RIN2: variants seen among roughly 807,000 people sequenced by gnomAD.
RIN2 encodes Ras and Rab interactor 2.
In RIN2, 36 loss-of-function variants were observed where a neutral mutation model predicts 78.0. The ratio of observed to expected loss-of-function variants is 0.46; its 90% CI spans 0.35 to 0.61. The LOEUF (loss-of-function observed/expected upper bound fraction) is 0.61. Among genes scored for constraint, RIN2 ranks in the 20% least tolerant of loss-of-function variants. RIN2 has a pLI of 0.00. For missense variants in RIN2, 1,087 were observed against 1,159.7 expected (o/e 0.94, Z 0.91); for synonymous variants, 466 against 466.8 (o/e 1.00, Z 0.02).
At chr20:19,824,143 C>T (rs1022471041) in intron 2 of RIN2, among the ~76,000 whole-genome samples, 4 of 152,164 alleles carry the variant, frequency 2.6e-5, no homozygotes, top group African/African-American at 9.7e-5. Context: ...ATTTCAGGAG[C>T]TTCATCTAGG....
At chr20:19,885,657 C>A (rs1238226642) in intron 2 of RIN2, among the ~76,000 whole-genome samples, 1 of 151,408 alleles carries the variant, frequency 6.6e-6, no homozygotes, top group African/African-American at 2.4e-5. Context: ...CAAAGTAAGA[C>A]CCTGTCTCGA....
At chr20:19,793,806 G>A (rs886966938) in intron 1 of RIN2, among the ~76,000 whole-genome samples, 1 of 152,226 alleles carries the variant, frequency 6.6e-6, no homozygotes, top group African/African-American at 2.4e-5. Flanking sequence ...TGTGGGGAAA[G>A]ACTGGAGAAG....
In RIN2 at chr20:19,975,023, G is replaced by A. The variant is rs769980298; in HGVS notation, c.998G>A (p.Ser333Asn). Residue 333 changes from serine (S) to asparagine (N), a missense_variant, in exon 9 of 13, where the codon AGC (serine) becomes AAC (asparagine). Physicochemically the swap from Ser to Asn is conservative, Grantham distance 46 (BLOSUM62 1). Coordinates refer to ENST00000255006, the MANE Select transcript of RIN2 (RefSeq NM_018993.4). This position sits in a 1 kb window ranked among gnomAD's most constrained non-coding sequence, Gnocchi z 4.9. ...CTGGCCAGGACTGAAACCCAGACGAGCATGCCAGAAACAGTCAACCATAAC... is the reference window on the plus strand; with the variant it reads ...CTGGCCAGGACTGAAACCCAGACGAACATGCCAGAAACAGTCAACCATAAC... ...PRLARTETQT[S>N]MPETVNHNKH... is the part of the protein sequence containing the mutation. 10 of 1,612,950 alleles carry A rather than the reference G, an allele frequency of 6.2e-6. No individual in the cohort carries two copies. In the Admixed American group the frequency reaches 8.3e-5, roughly 13 times the overall value.
intron 3 of RIN2, among the ~76,000 whole-genome samples, chr20:19,903,750 A>C (rs995988102): frequency 1.3e-5 from 2 of 152,232 alleles, no homozygotes; most frequent in Non-Finnish European, 2.9e-5. Flanking sequence ...GTAAATTAGG[A>C]AATAAAATTT....
chr20:19,983,418 G>A (rs900467854), intron 9 of RIN2, among the ~76,000 whole-genome samples: 11 of 152,094 alleles, frequency 7.2e-5, no homozygotes, highest in African/African-American at 1.9e-4. Context: ...TCCCAGCGTC[G>A]TAGGGCTGAA....
rs548290494 is a variant in RIN2 at position 19,853,187 on chromosome 20, C to T, written c.-36-36379C>T. Among the ~76,000 whole-genome samples the T allele has an allele frequency of 2.1e-3, 322 of 152,090 alleles. 1 individual carries two copies. Among genetic ancestry groups the T allele is most frequent in the Middle Eastern group, 3.4e-3 (1 of 294 alleles). The stretch of plus-strand genomic sequence containing the variant: ...TGAGAATGACGGTTTCCAGCTTCAT[C>T]CATGTCCCTACAAAGGACATGAACT... On this transcript the variant is annotated intron_variant, in intron 2 of 12. Coordinates refer to ENST00000255006, the MANE Select transcript of RIN2 (RefSeq NM_018993.4).
At chr20:19,968,657 G>A (rs576347785) in intron 7 of RIN2, among the ~76,000 whole-genome samples, 9 of 152,176 alleles carry the variant, frequency 5.9e-5, no homozygotes, top group Non-Finnish European at 8.8e-5. Context: ...GTCATGTGAC[G>A]TTTAAGCTCC....
intron 2 of RIN2, chr20:19,889,332 C>T: frequency 8.1e-7 from 1 of 1,240,108 alleles, no homozygotes; most frequent in Non-Finnish European, 1.0e-6. Context: ...CAAGGACCTT[C>T]TACGTCAGTG....
intron 1 of RIN2, among the ~76,000 whole-genome samples, chr20:19,796,231 A>C (rs1183346648): frequency 3.3e-5 from 5 of 152,218 alleles, no homozygotes; most frequent in Non-Finnish European, 7.3e-5. Context: ...GATTTTCAAA[A>C]TGGGCCTCTA....
chr20:19,841,698 A>G (rs967767078), intron 2 of RIN2, among the ~76,000 whole-genome samples: 1 of 152,220 alleles, frequency 6.6e-6, no homozygotes, highest in Non-Finnish European at 1.5e-5. Context: ...GCTGGCTTGC[A>G]GGCAGAACTG....
intron 2 of RIN2, among the ~76,000 whole-genome samples, chr20:19,810,315 T>G (rs2122790982): frequency 6.7e-6 from 1 of 150,366 alleles, no homozygotes; most frequent in Non-Finnish European, 1.5e-5. Context: ...GGCTGAGGCA[T>G]GAGAATCACT....
intron 2 of RIN2, among the ~76,000 whole-genome samples, chr20:19,816,370 C>T (rs2035766455): frequency 6.6e-6 from 1 of 151,930 alleles, no homozygotes; most frequent in Non-Finnish European, 1.5e-5. Flanking sequence ...CCTGAAGGGG[C>T]TTTGGCGGCT....
At chr20:19,852,897 A>G (rs891890184) in intron 2 of RIN2, among the ~76,000 whole-genome samples, 6 of 151,168 alleles carry the variant, frequency 4.0e-5, no homozygotes, top group Non-Finnish European at 7.4e-5. Flanking sequence ...TTTTTTAATT[A>G]TTATACTTTA....
Position 19,812,258 on chromosome 20 carries a change from T to G in RIN2, c.-37+12511T>G, listed in dbSNP as rs1011524896. On this transcript the variant is annotated intron_variant, in intron 2 of 12. Coordinates refer to ENST00000255006, the MANE Select transcript of RIN2 (RefSeq NM_018993.4). ...TGAGTGGAATTTCTGGGTGATGTGT[T>G]AAGTTTATGTTTATTTCTTTAAGAA... Among the ~76,000 whole-genome samples, 3 of 152,224 alleles carry G rather than the reference T, an allele frequency of 2.0e-5. No homozygotes were observed. The East Asian group carries it at 5.8e-4, about 29-fold the overall frequency.
intron 1 of RIN2, among the ~76,000 whole-genome samples, chr20:19,763,209 A>C (rs1600389763): frequency 6.6e-6 from 1 of 151,702 alleles, no homozygotes; most frequent in Non-Finnish European, 1.5e-5. Context: ...ACATGGTGAA[A>C]CCCTGTCTCT....
intron 1 of RIN2, among the ~76,000 whole-genome samples, chr20:19,764,844 T>G (rs1031763175): frequency 1.3e-5 from 2 of 150,472 alleles, no homozygotes; most frequent in Non-Finnish European, 3.0e-5. Context: ...ATTTGGTGAA[T>G]AAACCTGCCT....
At chr20:19,859,397 C>T (rs1450417338) in intron 2 of RIN2, among the ~76,000 whole-genome samples, 6 of 152,198 alleles carry the variant, frequency 3.9e-5, no homozygotes, top group East Asian at 1.9e-4. Context: ...TGCTTCCATC[C>T]GAAGATTGAC....
chr20:19,975,916 G>A lies in RIN2; in HGVS notation c.1762+129G>A. ...AACACCCAGCTCCACCTTCTCTCCC[G>A]GTTTGAATGGAAAAATCAGTTTCTC... On this transcript the variant is annotated intron_variant, in intron 9 of 12. Coordinates refer to ENST00000255006, the MANE Select transcript of RIN2 (RefSeq NM_018993.4). This position sits in a 1 kb window ranked among gnomAD's most constrained non-coding sequence, Gnocchi z 4.9. 3 of 890,788 alleles carry A rather than the reference G, an allele frequency of 3.4e-6. No homozygotes were observed. The highest frequency in any genetic ancestry group is 1.5e-5 in the South Asian group (1 of 64,646). The allele number at this position is 890,788 out of a possible 1,614,324, so 55.2% of individuals were successfully genotyped here. A position where few individuals can be genotyped will look rare whatever the true frequency, so the allele number is the denominator to read the frequency against.
chr20:19,813,349 T>G (rs1456793620), intron 2 of RIN2, among the ~76,000 whole-genome samples: 1 of 152,276 alleles, frequency 6.6e-6, no homozygotes, highest in Non-Finnish European at 1.5e-5. Flanking sequence ...TCAGTTGGCT[T>G]GTACTTCATG....
Sources: allele counts gnomAD v4.1 joint callset (sites outside exome capture counted in the v4.1 genomes callset), GRCh38; gene constraint gnomAD v4.1.1; non-coding constraint Gnocchi (gnomAD v3.1); transcripts MANE v1.5; gene names NCBI Gene and HGNC (gene_info 2026-07-23, HGNC 2026-07-21).